The following SHISA5 variants were observed in gnomAD, a reference collection of about 807,000 sequenced individuals.
SHISA5 encodes the protein shisa family member 5.
In SHISA5, 21 loss-of-function variants were observed where a neutral mutation model predicts 27.5. The ratio of observed to expected loss-of-function variants is 0.76; its 90% CI spans 0.54 to 1.10. SHISA5 has a LOEUF of 1.10. Among genes scored for constraint, SHISA5 ranks in the 50% least tolerant of loss-of-function variants. The probability of loss-of-function intolerance (pLI) is 0.00; values close to 1 mark genes in which losing one functional copy is unlikely to be tolerated. For missense variants in SHISA5, 314 were observed against 336.3 expected (o/e 0.93, Z 0.52); for synonymous variants, 137 against 142.2 (o/e 0.96, Z 0.26).
At chr3:48,486,949 G>GAAAAT (rs1483845359) in intron 2 of SHISA5, among the ~76,000 whole-genome samples, 2 of 149,746 alleles carry the variant, frequency 1.3e-5, no homozygotes, top group Non-Finnish European at 3.0e-5. Context: ...GAAAAGAAAA[G>GAAAAT]AAAAACCCAC....
chr3:48,486,977 G>A (rs749906231), intron 2 of SHISA5, among the ~76,000 whole-genome samples: 28 of 151,510 alleles, frequency 1.8e-4, no homozygotes, highest in Non-Finnish European at 3.2e-4. Flanking sequence ...CAGGTGTGGC[G>A]GCTCATGCCT....
chr3:48,468,401 C>G lies in SHISA5; in HGVS notation c.*706G>C. 9.1e-7 allele frequency: 1 copy of G among 1,097,652 alleles called. No individual in the cohort carries two copies. Among genetic ancestry groups the G allele is most frequent in the Non-Finnish European group, 1.1e-6 (1 of 895,200 alleles). 68.0% of individuals were successfully genotyped at this position (1,097,652 alleles called of 1,614,324 possible). ...GCTGTGTGTGCATGTGGCCCTCCAGCTGGTCCCAGGGGAGATGCGGGGACA... is the reference window on the plus strand; with the variant it reads ...GCTGTGTGTGCATGTGGCCCTCCAGGTGGTCCCAGGGGAGATGCGGGGACA... On this transcript the variant is annotated 3_prime_UTR_variant, in exon 6 of 6. Coordinates refer to ENST00000296444, the MANE Select transcript of SHISA5 (RefSeq NM_016479.6).
chr3:48,481,015 G>A (rs529674850), intron 2 of SHISA5, among the ~76,000 whole-genome samples: 2 of 151,820 alleles, frequency 1.3e-5, no homozygotes, highest in South Asian at 2.1e-4. Flanking sequence ...GAATTGCTTC[G>A]ACCCAGGTGG....
intron 2 of SHISA5, among the ~76,000 whole-genome samples, chr3:48,483,909 G>T (rs1291867339): frequency 2.0e-5 from 3 of 152,168 alleles, no homozygotes; most frequent in South Asian, 4.1e-4. Flanking sequence ...TAGACATAAG[G>T]TCTCACTATA....
rs989376715 is a variant in SHISA5, at chr3:48,494,907, T to C, written c.233+6230A>G. ...ATGTTGTATACATGAAATGTATACA[T>C]CTGTTAAAACTCATCAAACTGAAAC... On this transcript the variant is annotated intron_variant, in intron 2 of 5. Transcript: ENST00000296444. Among the ~76,000 whole-genome samples the C allele has an allele frequency of 2.2e-4, 33 of 147,566 alleles. 5 individuals are homozygous for C. Among genetic ancestry groups the C allele is most frequent in the African/African-American group, 6.7e-4 (25 of 37,288 alleles).
Position 48,496,679 on chromosome 3 carries a change from A to T in SHISA5, c.233+4458T>A, listed in dbSNP as rs192725355. Among the ~76,000 whole-genome samples, 118 of 151,966 alleles carry T rather than the reference A, an allele frequency of 7.8e-4. 1 individual carries two copies. Among genetic ancestry groups the T allele is most frequent in the African/African-American group, 2.2e-3 (90 of 41,434 alleles). On this transcript the variant is annotated intron_variant, in intron 2 of 5. Coordinates refer to ENST00000296444, the MANE Select transcript of SHISA5 (RefSeq NM_016479.6). ...AACCCGGGAGGCAGAGGTTGCAGTA[A>T]GCCGTGATCACGCCATCACACTCCA...
intron 2 of SHISA5, among the ~76,000 whole-genome samples, chr3:48,492,877 G>A (rs955886896): frequency 1.4e-5 from 2 of 147,336 alleles, no homozygotes; most frequent in Non-Finnish European, 2.9e-5. Context: ...GAAAGGCCAC[G>A]TGAGGACATA....
At chr3:48,479,304 C>A in intron 2 of SHISA5, 47 bp from the exon 3 acceptor site, 1 of 1,551,780 alleles carries the variant, frequency 6.4e-7, no homozygotes, top group Non-Finnish European at 8.7e-7. Context: ...CCCCACCGAG[C>A]GCCAGCACAA....
chr3:48,501,041 T>C, intron 2 of SHISA5, 96 bp downstream of exon 2: 1 of 1,361,562 alleles, frequency 7.3e-7, no homozygotes, highest in Non-Finnish European at 1.0e-6. Context: ...TTGAGAGGGC[T>C]GAGAGGCCAG....
chr3:48,481,517 T>C (rs965135859), intron 2 of SHISA5, among the ~76,000 whole-genome samples: 1 of 143,730 alleles, frequency 7.0e-6, no homozygotes, highest in South Asian at 2.2e-4. Context: ...TGTGGCCAGG[T>C]TGGTGGCTCA....
At chr3:48,486,920 CAAAAAAAA>C (rs747460201) in intron 2 of SHISA5, among the ~76,000 whole-genome samples, 3 of 94,762 alleles carry the variant, frequency 3.2e-5, no homozygotes, top group Non-Finnish European at 6.6e-5. Flanking sequence ...GACTCCATCT[CAAAAAAAA>C]AAAAAAGAAA....
chr3:48,494,184 C>T (rs1369992178), intron 2 of SHISA5, among the ~76,000 whole-genome samples: 3 of 147,342 alleles, frequency 2.0e-5, no homozygotes, highest in Admixed American at 1.3e-4. Flanking sequence ...CTTTGACACT[C>T]CACATATAAG....
chr3:48,479,465 A>G, intron 2 of SHISA5: 1 of 570,850 alleles, frequency 1.8e-6, no homozygotes, highest in East Asian at 2.8e-5. Flanking sequence ...TCTCCAGGAG[A>G]GAACATATGT....
chr3:48,494,299 CT>C lies in SHISA5; in HGVS notation c.233+6837del, dbSNP rs1328472129. 6.6e-3 allele frequency among the ~76,000 whole-genome samples: 854 copies of C among 129,654 alleles called. 41 individuals carry two copies. The highest frequency in any genetic ancestry group is 0.018 in the African/African-American group (573 of 31,546). 85.1% of individuals were successfully genotyped at this position (129,654 alleles called of 152,430 possible). ...ATAAATGACAGGATTTCTGGATTTC[CT>C]TTTTTTTTTTTTTTTTGAGATGGAG... is the stretch of plus-strand genomic sequence containing the variant. On this transcript the variant is annotated intron_variant, in intron 2 of 5. Transcript: ENST00000296444.
chr3:48,480,838 T>C (rs2040984062), intron 2 of SHISA5, among the ~76,000 whole-genome samples: 1 of 152,132 alleles, frequency 6.6e-6, no homozygotes, highest in South Asian at 2.1e-4. Context: ...CTCATGCCTG[T>C]AATCCCAGTG....
Position 48,476,467 on chromosome 3 carries a change from G to A in SHISA5, c.314+2710C>T, listed in dbSNP as rs142917037. Among the ~76,000 whole-genome samples the A allele has an allele frequency of 7.9e-3, 1,207 of 152,288 alleles. 10 individuals carry two copies. The highest frequency in any genetic ancestry group is 0.027 in the African/African-American group (1,137 of 41,560). ...AGCTGGGGTGGGGCTCCTGGCCTGG[G>A]GTCTTTCCCCTGCCTGGCTTCTCCT... On this transcript the variant is annotated intron_variant, in intron 3 of 5. Transcript: ENST00000296444.
chr3:48,503,922 T>C (rs2041826242), intron 1 of SHISA5, 97 bp downstream of exon 1: 2 of 1,363,876 alleles, frequency 1.5e-6, no homozygotes, highest in East Asian at 3.1e-5. Flanking sequence ...GTGGGGGGCA[T>C]AGTGGGGCTG....
intron 2 of SHISA5, among the ~76,000 whole-genome samples, chr3:48,493,535 T>C (rs1216985233): frequency 8.5e-6 from 1 of 117,774 alleles, no homozygotes; most frequent in Non-Finnish European, 1.7e-5. Flanking sequence ...TTTTTTTTTT[T>C]TTTTTTTTTT....
At chr3:48,484,729 T>C (rs2041141969) in intron 2 of SHISA5, among the ~76,000 whole-genome samples, 1 of 150,114 alleles carries the variant, frequency 6.7e-6, no homozygotes, top group African/African-American at 2.5e-5. Context: ...CCATCCCTAC[T>C]AAAAATACAA....
Sources: gnomAD v4.1 joint callset for allele counts (sites outside exome capture counted in the v4.1 genomes callset) on GRCh38, gnomAD v4.1.1 for gene constraint, MANE v1.5 for transcripts, NCBI Gene and HGNC (gene_info 2026-07-23, HGNC 2026-07-21) for gene names.